METAP2: variants seen among roughly 807,000 people sequenced by gnomAD.
METAP2 encodes the protein methionyl aminopeptidase 2, also known as methionine aminopeptidase 2.
A neutral mutation model predicts 59.4 loss-of-function variants in METAP2; 25 were observed. That is an observed-to-expected ratio of 0.42 (90% CI 0.31 to 0.59). The LOEUF is 0.59. Ranked by LOEUF, METAP2 falls within the 20% of genes least tolerant of loss-of-function variation. METAP2 has a pLI of 0.16. For synonymous variants in METAP2, 214 were observed against 194.1 expected (o/e 1.10, Z -0.85); for missense variants, 366 against 581.2 (o/e 0.63, Z 3.81).
chr12:95,511,868 CTT>C, intron 8 of METAP2, 25 bp from the exon 9 acceptor site: 1 of 1,525,582 alleles, frequency 6.6e-7, no homozygotes, highest in Non-Finnish European at 9.0e-7. Flanking sequence ...TCCTGAATGA[CTT>C]TTATTTCCCT....
At chr12:95,487,416 G>A (rs377645887) in intron 4 of METAP2, among the ~76,000 whole-genome samples, 2 of 152,068 alleles carry the variant, frequency 1.3e-5, no homozygotes, top group African/African-American at 4.8e-5. Context: ...GGGAATAAGT[G>A]TAAAGTTCTG....
chr12:95,512,413 A>C (rs2076409796), intron 9 of METAP2, among the ~76,000 whole-genome samples: 1 of 152,122 alleles, frequency 6.6e-6, no homozygotes, highest in South Asian at 2.1e-4. Context: ...ACTTCAAGAG[A>C]TGGTAATTGT....
In METAP2 at chr12:95,504,181, A is replaced by G. The variant is rs1198271771; in HGVS notation, c.964+20A>G. The G allele has an allele frequency of 2.7e-6, 4 of 1,463,092 alleles. No individual in the cohort carries two copies. Among genetic ancestry groups the G allele is most frequent in the Admixed American group, 1.8e-5 (1 of 55,436 alleles). The allele number at this position is 1,463,092 out of a possible 1,614,324, so 90.6% of individuals were successfully genotyped here. ...ATCAAGGTATGTTCTTTTAAAATAT[A>G]TCTTATTTTGAAATTGATTTTACAA... On this transcript the variant is annotated intron_variant, in intron 8 of 10. Coordinates refer to ENST00000323666, the MANE Select transcript of METAP2 (RefSeq NM_006838.4).
intron 7 of METAP2, among the ~76,000 whole-genome samples, chr12:95,497,447 A>G (rs1049653065): frequency 4.6e-5 from 7 of 152,236 alleles, no homozygotes; most frequent in Non-Finnish European, 1.0e-4. Context: ...TTGTGTGTAT[A>G]TACCACATTT....
At chr12:95,503,956 T>A in intron 7 of METAP2, 109 bp from the exon 8 acceptor site, 1 of 724,080 alleles carries the variant, frequency 1.4e-6, no homozygotes, top group Non-Finnish European at 2.4e-6. Flanking sequence ...GAAGTTACAA[T>A]GTACAAAGCA....
In METAP2 at chr12:95,474,160, C is replaced by T. The variant is rs201264051; in HGVS notation, c.-20C>T. The T allele has an allele frequency of 6.2e-7, 1 of 1,612,624 alleles. No homozygotes were observed. The highest frequency in any genetic ancestry group is 8.5e-7 in the Non-Finnish European group (1 of 1,179,418). On this transcript the variant is annotated 5_prime_UTR_variant, in exon 1 of 11. Coordinates refer to ENST00000323666, the MANE Select transcript of METAP2 (RefSeq NM_006838.4). ...GGCCCTCGCCGCTCTGTCTCATTCC[C>T]TCGCGCTCTCTCGGGCAACATGGCG...
intron 7 of METAP2, among the ~76,000 whole-genome samples, chr12:95,503,572 G>T (rs11108076): frequency 6.6e-6 from 1 of 152,090 alleles, no homozygotes; most frequent in African/African-American, 2.4e-5. Flanking sequence ...CTGTATCTGC[G>T]CCTATGTGAC....
At position 95,515,556 on chromosome 12, in the gene METAP2, G is replaced by A. The variant is rs1206590491; in HGVS notation, c.*1652G>A. ...ACCTTTATGAGTGAAGACTTTTGGA[G>A]CTTTTAAAGACCTTGGCAGTCATGA... On this transcript the variant is annotated 3_prime_UTR_variant, in exon 11 of 11. Transcript: ENST00000323666. 2 of 152,178 alleles carry A rather than the reference G, an allele frequency of 1.3e-5. No individual in the cohort carries two copies. The highest frequency in any genetic ancestry group is 1.3e-4 in the Admixed American group (2 of 15,262). The allele number at this position is 152,178 out of a possible 1,614,324, so 9.4% of individuals were successfully genotyped here.
rs150196136 is a variant in METAP2, at chr12:95,490,078, A to C, written c.429-3978A>C. 3.3e-5 allele frequency among the ~76,000 whole-genome samples: 5 copies of C among 151,696 alleles called. 1 individual carries two copies. The highest frequency in any genetic ancestry group is 1.2e-4 in the African/African-American group (5 of 41,408). On this transcript the variant is annotated intron_variant, in intron 4 of 10. Coordinates refer to ENST00000323666, the MANE Select transcript of METAP2 (RefSeq NM_006838.4). ...AAATGTGAAAAATGTTAAATTGGTG[A>C]GTCTGTATATATATAGTTTTTTTTC...
intron 8 of METAP2, among the ~76,000 whole-genome samples, chr12:95,509,845 A>C (rs867314568): frequency 0.014 from 1,448 of 101,464 alleles, 38 homozygotes; most frequent in African/African-American, 0.051. Flanking sequence ...CTCCCCCCCA[A>C]CCTTTTTTTT....
intron 2 of METAP2, among the ~76,000 whole-genome samples, chr12:95,482,944 T>A (rs1420035721): frequency 6.6e-6 from 1 of 152,198 alleles, no homozygotes; most frequent in Non-Finnish European, 1.5e-5. Flanking sequence ...TGTTGGAGTC[T>A]CACTATGTTG....
chr12:95,506,548 C>T (rs1217996816), intron 8 of METAP2, among the ~76,000 whole-genome samples: 1 of 151,958 alleles, frequency 6.6e-6, no homozygotes, highest in African/African-American at 2.4e-5. Flanking sequence ...ATCCGCCCGC[C>T]TCGGCTTCCC....
intron 7 of METAP2, among the ~76,000 whole-genome samples, chr12:95,500,892 C>G (rs1354573330): frequency 6.6e-6 from 1 of 151,744 alleles, no homozygotes; most frequent in Non-Finnish European, 1.5e-5. Context: ...CATGTAATGA[C>G]TTAGAAAGTA....
rs1409977186 is a variant in METAP2, at chr12:95,515,040, T to C, written c.*1136T>C. 6.6e-6 allele frequency: 1 copy of C among 152,670 alleles called. No individual in the cohort carries two copies. The highest frequency in any genetic ancestry group is 1.5e-5 in the Non-Finnish European group (1 of 68,046). The allele number at this position is 152,670 out of a possible 1,614,324, so 9.5% of individuals were successfully genotyped here. ...TTCTTTGACAAATTGAATTCTTATA[T>C]TTAAATAATTTTATGGGAATGTTCC... is the stretch of plus-strand genomic sequence containing the variant. On this transcript the variant is annotated 3_prime_UTR_variant, in exon 11 of 11. Transcript: ENST00000323666.
intron 4 of METAP2, among the ~76,000 whole-genome samples, chr12:95,489,856 ACTT>A (rs1262748395): frequency 6.6e-6 from 1 of 152,080 alleles, no homozygotes; most frequent in African/African-American, 2.4e-5. Flanking sequence ...AACCCAAAAA[ACTT>A]CTTATTTTGA....
chr12:95,481,478 A>G (rs1322008278), intron 2 of METAP2, among the ~76,000 whole-genome samples: 1 of 152,198 alleles, frequency 6.6e-6, no homozygotes, highest in Non-Finnish European at 1.5e-5. Flanking sequence ...AAGAAAAGAC[A>G]TGTAAAAGCA....
chr12:95,478,131 A>C (rs1014571509), intron 2 of METAP2, among the ~76,000 whole-genome samples: 1 of 151,810 alleles, frequency 6.6e-6, no homozygotes, highest in Non-Finnish European at 1.5e-5. Flanking sequence ...CCACCCCCCA[A>C]AAAAAATCAC....
At chr12:95,499,031 A>C (rs1191084485) in intron 7 of METAP2, among the ~76,000 whole-genome samples, 1 of 152,016 alleles carries the variant, frequency 6.6e-6, no homozygotes, top group Non-Finnish European at 1.5e-5. Context: ...AAAAAAAAGA[A>C]ATCATTTGTT....
In METAP2 at chr12:95,486,739, C is replaced by T. The variant is rs190051876; in HGVS notation, c.428+758C>T. Among the ~76,000 whole-genome samples the T allele has an allele frequency of 1.6e-3, 246 of 152,232 alleles. 2 individuals carry two copies. In the East Asian group the frequency reaches 0.021, roughly 13 times the overall value. On this transcript the variant is annotated intron_variant, in intron 4 of 10. Coordinates refer to ENST00000323666, the MANE Select transcript of METAP2 (RefSeq NM_006838.4). ...CTTGAACTCCCAACCTCAGGTGATC[C>T]GCCCACCTTGGCCTCCCAAAGTGCT... is the stretch of plus-strand genomic sequence containing the variant.
Sources: gnomAD v4.1 joint callset for allele counts (sites outside exome capture counted in the v4.1 genomes callset) on GRCh38, gnomAD v4.1.1 for gene constraint, MANE v1.5 for transcripts, NCBI Gene and HGNC (gene_info 2026-07-23, HGNC 2026-07-21) for gene names.